The following KSR1 variants were observed in gnomAD, a reference collection of about 807,000 sequenced individuals.
KSR1 encodes kinase suppressor of ras 1.
In KSR1, 35 loss-of-function variants were observed where a neutral mutation model predicts 92.9. The observed-to-expected ratio is 0.38, with a 90% confidence interval of 0.29 to 0.50. The LOEUF is 0.50. KSR1 is among the 20% of genes least tolerant of loss of function. The pLI, the probability that KSR1 is intolerant of heterozygous loss-of-function variation, is 0.94. For synonymous variants in KSR1, 467 were observed against 472.6 expected (o/e 0.99, Z 0.15); for missense variants, 972 against 1,158.5 (o/e 0.84, Z 2.34).
In KSR1 at chr17:27,583,962, A is replaced by G. The variant is rs1309964678; in HGVS notation, c.980+857A>G. 1.1e-5 allele frequency: 11 copies of G among 984,320 alleles called. No individual in the cohort carries two copies. The South Asian group carries it at 3.8e-4, about 34-fold the overall frequency. 61.0% of individuals were successfully genotyped at this position (984,320 alleles called of 1,614,324 possible). On this transcript the variant is annotated intron_variant, in intron 4 of 20. Coordinates refer to ENST00000644974, the MANE Select transcript of KSR1 (RefSeq NM_001394583.1). ...CAGGCTAGCAGTTTTGTGTATGTCT[A>G]TAATTAATTAAACCCCATTTGTTTG...
intron 1 of KSR1, among the ~76,000 whole-genome samples, chr17:27,532,420 C>T (rs780454694): frequency 6.6e-6 from 1 of 152,234 alleles, no homozygotes; most frequent in Non-Finnish European, 1.5e-5. Context: ...CAGGTACGGG[C>T]TGCTCTGTGA....
At chr17:27,526,600 A>G in intron 1 of KSR1, 1 of 1,581,664 alleles carries the variant, frequency 6.3e-7, no homozygotes, top group Non-Finnish European at 8.7e-7. Flanking sequence ...TAAGATGGAC[A>G]TTTGTTGATC....
Position 27,582,887 on chromosome 17 carries a change from G to T in KSR1, c.762G>T (p.Leu254=). The change falls in exon 4 of 21, where the codon CTG becomes CTT. Residue 254 remains leucine, a synonymous_variant. Transcript: ENST00000644974. ...SEGLSDTCIP[L]HASGRLTPRA... ...GCCTCTCAGACACCTGTATTCCCCT[G>T]CACGCCAGCGGCCGGCTGACCCCCC... 2 of 1,612,548 alleles carry T rather than the reference G, an allele frequency of 1.2e-6. No homozygotes were observed. Among genetic ancestry groups the T allele is most frequent in the African/African-American group, 2.7e-5 (2 of 74,746 alleles).
At chr17:27,456,947 G>C in intron 1 of KSR1, 73 bp downstream of exon 1, 1 of 728,126 alleles carries the variant, frequency 1.4e-6, no homozygotes, top group Non-Finnish European at 2.5e-6. Context: ...CAGTACTCCT[G>C]GCCGAGTTGC....
At chr17:27,571,776 G>C (rs2072317198) in intron 2 of KSR1, among the ~76,000 whole-genome samples, 1 of 152,230 alleles carries the variant, frequency 6.6e-6, no homozygotes, top group African/African-American at 2.4e-5. Context: ...GTGTTCTTGC[G>C]TGAAGTGCAG....
chr17:27,471,102 C>T (rs2019975413), intron 1 of KSR1, among the ~76,000 whole-genome samples: 1 of 152,134 alleles, frequency 6.6e-6, no homozygotes, highest in African/African-American at 2.4e-5. Context: ...CTCCTGGCCT[C>T]AAGTGATCTC....
intron 2 of KSR1, among the ~76,000 whole-genome samples, chr17:27,554,148 A>C (rs1452872236): frequency 2.0e-5 from 3 of 152,180 alleles, no homozygotes; most frequent in Non-Finnish European, 4.4e-5. Context: ...TCATGCATTA[A>C]AAACCCACGT....
chr17:27,489,817 T>TG (rs767190278), intron 1 of KSR1, among the ~76,000 whole-genome samples: 9 of 152,026 alleles, frequency 5.9e-5, no homozygotes, highest in Non-Finnish European at 1.0e-4. Flanking sequence ...GTAGGGAAGA[T>TG]GGGGGCCCAG....
At chr17:27,580,657 C>T (rs2072716356) in intron 3 of KSR1, among the ~76,000 whole-genome samples, 1 of 152,138 alleles carries the variant, frequency 6.6e-6, no homozygotes, top group Admixed American at 6.5e-5. Flanking sequence ...CTCCCTGAGT[C>T]ACAGTGACCT....
At chr17:27,481,654 C>G (rs960997985) in intron 1 of KSR1, among the ~76,000 whole-genome samples, 4 of 152,086 alleles carry the variant, frequency 2.6e-5, no homozygotes, top group African/African-American at 9.7e-5. Context: ...TATCTCCATG[C>G]CATGGAAACT....
At chr17:27,475,454 G>A (rs987565844) in intron 1 of KSR1, among the ~76,000 whole-genome samples, 9 of 152,206 alleles carry the variant, frequency 5.9e-5, no homozygotes, top group African/African-American at 1.2e-4. Context: ...CTGACTGCGT[G>A]GGCAGGTGAC....
intron 2 of KSR1, chr17:27,566,543 C>G: frequency 2.5e-6 from 1 of 399,112 alleles, no homozygotes; most frequent in Non-Finnish European, 4.4e-6. Context: ...AAGCCCGAGG[C>G]GTGAGCCCAC....
chr17:27,614,190 T>C (rs1344309670), intron 18 of KSR1, among the ~76,000 whole-genome samples: 1 of 152,248 alleles, frequency 6.6e-6, no homozygotes, highest in Non-Finnish European at 1.5e-5. Context: ...CATTTTATTA[T>C]GCTCATTACC....
intron 17 of KSR1, chr17:27,611,181 G>A (rs2073904966): frequency 5.9e-6 from 2 of 339,538 alleles, no homozygotes; most frequent in South Asian, 7.9e-5. Flanking sequence ...CCCCACTGAG[G>A]TGAAGCAGTT....
chr17:27,546,222 G>A (rs2071167355), intron 1 of KSR1, among the ~76,000 whole-genome samples: 1 of 152,200 alleles, frequency 6.6e-6, no homozygotes, highest in Non-Finnish European at 1.5e-5. Flanking sequence ...TATGCCAGGT[G>A]CTGTAGTAGG....
At chr17:27,587,321 A>G (rs926890957) in intron 5 of KSR1, 2 of 152,334 alleles carry the variant, frequency 1.3e-5, no homozygotes, top group Non-Finnish European at 2.9e-5. Context: ...ATGTGGGAGG[A>G]CTCAGTACCT....
intron 4 of KSR1, chr17:27,583,871 G>A: frequency 2.8e-6 from 1 of 359,914 alleles, no homozygotes; most frequent in Non-Finnish European, 3.9e-6. Context: ...GCTTCTCAGG[G>A]TACGTGGTGA....
At chr17:27,607,157 A>C (rs1345107650) in intron 14 of KSR1, among the ~76,000 whole-genome samples, 3 of 152,206 alleles carry the variant, frequency 2.0e-5, no homozygotes, top group Non-Finnish European at 2.9e-5. Context: ...TTCATTAACA[A>C]AAAAATCTTA....
At chr17:27,511,394 G>T (rs757546125) in intron 1 of KSR1, among the ~76,000 whole-genome samples, 1 of 152,202 alleles carries the variant, frequency 6.6e-6, no homozygotes, top group Non-Finnish European at 1.5e-5. Flanking sequence ...GTGCTGCTGC[G>T]CATTGAGGGC....
Sources: allele counts gnomAD v4.1 joint callset (sites outside exome capture counted in the v4.1 genomes callset), GRCh38; gene constraint gnomAD v4.1.1; transcripts MANE v1.5; gene names NCBI Gene and HGNC (gene_info 2026-07-23, HGNC 2026-07-21).